Variants in C2orf76 observed in about 807,000 individuals in gnomAD.
C2orf76 encodes chromosome 2 open reading frame 76, also known as UPF0538 protein C2orf76.
In C2orf76, 23 loss-of-function variants were observed where a neutral mutation model predicts 16.9. The observed-to-expected ratio is 1.36, with a 90% CI of 0.98 to 1.93. C2orf76 has a LOEUF of 1.93. C2orf76 is among the 30% of genes most tolerant of loss of function. The pLI is 0.00. For missense variants in C2orf76, 152 were observed against 152.6 expected (o/e 1.00, Z 0.02); for synonymous variants, 48 against 52.3 (o/e 0.92, Z 0.35).
rs757241576 is a variant in C2orf76 at position 119,311,679 on chromosome 2, C to A, written c.247G>T (p.Glu83Ter). The stretch of plus-strand genomic sequence containing the variant: ...TTCAGCAGGAGTCTTTCGTCATCTT[C>A]CAAACTCAACACAAGTTCATTTGTC... ...SKTNELVLSL[E>*]DDERLLLKED... The change falls in exon 5 of 6, where the codon GAA becomes TAA. Residue 83 changes from glutamate (E) to a stop codon, truncating the protein, a stop_gained. Transcript: ENST00000334816. LOFTEE classifies it high-confidence loss of function. 7.4e-6 allele frequency: 12 copies of A among 1,611,702 alleles called. No homozygotes were observed. In the South Asian group the frequency reaches 1.3e-4, roughly 18 times the overall value.
chr2:119,288,196 G>A, the C2orf76 span, among the ~76,000 whole-genome samples: 5 of 140,798 alleles, frequency 3.6e-5, no homozygotes, highest in Admixed American at 7.3e-5. Context: ...TCACTCTGTC[G>A]CCCAGGCTGG....
At chr2:119,317,867 C>T (rs1679224334) in intron 3 of C2orf76, among the ~76,000 whole-genome samples, 1 of 151,460 alleles carries the variant, frequency 6.6e-6, no homozygotes, top group Non-Finnish European at 1.5e-5. Flanking sequence ...AAAAAAAAGT[C>T]TTAAAATAGA....
chr2:119,312,977 G>A (rs963286830), intron 4 of C2orf76, among the ~76,000 whole-genome samples: 2 of 149,576 alleles, frequency 1.3e-5, no homozygotes, highest in African/African-American at 2.5e-5. Flanking sequence ...ACAGTGAGCT[G>A]ATATTGCACT....
chr2:119,296,125 T>G, the C2orf76 span, among the ~76,000 whole-genome samples: 1 of 152,174 alleles, frequency 6.6e-6, no homozygotes, highest in South Asian at 2.1e-4. Flanking sequence ...CCTCTTCCAC[T>G]CCTATAAATG....
In C2orf76 at chr2:119,307,934, C is replaced by T. The variant is rs557766927; in HGVS notation, c.304+3688G>A. On this transcript the variant is annotated intron_variant, in intron 5 of 5. Coordinates refer to ENST00000334816, the MANE Select transcript of C2orf76 (RefSeq NM_001322331.2). ...AAACAAAGCAGTTGTTCCTGAGGGC[C>T]TTTTACACACATCACTCCGGATGCC... Among the ~76,000 whole-genome samples, 40 of 152,280 alleles carry T rather than the reference C, an allele frequency of 2.6e-4. No homozygotes were observed. The South Asian group carries it at 8.3e-3, about 32-fold the overall frequency.
At position 119,317,493 on chromosome 2, in the gene C2orf76, C is replaced by A. The variant is rs748615789; in HGVS notation, c.195G>T (p.Lys65Asn). 32 of 1,604,528 alleles carry A rather than the reference C, an allele frequency of 2.0e-5. No homozygotes were observed. The highest frequency in any genetic ancestry group is 2.6e-5 in the Non-Finnish European group (30 of 1,174,088). The change falls in exon 4 of 6, where the codon AAG becomes AAT. Residue 65 changes from lysine to asparagine, a missense_variant. Transcript: ENST00000334816. ...PFRNYKYDALKIIHQAHKSKT... is the reference protein window; with the variant it reads ...PFRNYKYDALNIIHQAHKSKT... Reference sequence around the variant, plus strand: ...TTGATTTATGTGCTTGATGAATAATCTTTAGTGCATCTGAAAGAAAAAAGC... The same window carrying A: ...TTGATTTATGTGCTTGATGAATAATATTTAGTGCATCTGAAAGAAAAAAGC...
At chr2:119,317,354 C>T (rs752692414) in intron 4 of C2orf76, 112 bp downstream of exon 4, 22 of 699,390 alleles carry the variant, frequency 3.1e-5, no homozygotes, top group Non-Finnish European at 4.5e-5. Flanking sequence ...AAATAAAAAG[C>T]GCTATTATAA....
intron 1 of C2orf76, among the ~76,000 whole-genome samples, chr2:119,343,443 C>T (rs1314190420): frequency 1.3e-5 from 2 of 149,764 alleles, no homozygotes; most frequent in Non-Finnish European, 3.0e-5. Context: ...AAAAAGCCCT[C>T]CCATACACAC....
intron 3 of C2orf76, among the ~76,000 whole-genome samples, chr2:119,319,271 T>C (rs1359198608): frequency 6.6e-6 from 1 of 152,200 alleles, no homozygotes; most frequent in Non-Finnish European, 1.5e-5. Flanking sequence ...AAGAAATGTT[T>C]TGAAGAGAAG....
intron 1 of C2orf76, among the ~76,000 whole-genome samples, chr2:119,346,912 TG>T (rs1680222169): frequency 6.6e-6 from 1 of 152,178 alleles, no homozygotes. Context: ...GTGTTGCCAA[TG>T]GGGGAAAGTG....
At chr2:119,297,508 TTTG>T (rs745866743), downstream of C2orf76, among the ~76,000 whole-genome samples, 4 of 152,092 alleles carry the variant, frequency 2.6e-5, no homozygotes, top group East Asian at 3.9e-4. Context: ...TCTTCAGAAT[TTTG>T]TTGTTGTTGT....
chr2:119,353,523 T>G (rs1680468998), intron 1 of C2orf76, among the ~76,000 whole-genome samples: 1 of 151,224 alleles, frequency 6.6e-6, no homozygotes, highest in Non-Finnish European at 1.5e-5. Flanking sequence ...AGCTGGACAT[T>G]ATAATAAAAA....
the C2orf76 span, among the ~76,000 whole-genome samples, chr2:119,287,594 G>A: frequency 3.3e-5 from 5 of 152,040 alleles, no homozygotes; most frequent in African/African-American, 1.2e-4. Flanking sequence ...ACAACAAAGG[G>A]GAATATGACA....
At chr2:119,359,652 T>C (rs1446107336) in intron 1 of C2orf76, among the ~76,000 whole-genome samples, 3 of 152,278 alleles carry the variant, frequency 2.0e-5, no homozygotes, top group South Asian at 2.1e-4. Context: ...GTGGTGGAAA[T>C]AGCAAGACAA....
chr2:119,311,347 C>G (rs1216179595), intron 5 of C2orf76: 1 of 985,202 alleles, frequency 1.0e-6, no homozygotes, highest in Non-Finnish European at 1.2e-6. Flanking sequence ...ACTTACAACC[C>G]GTCACTTAAA....
chr2:119,364,909 C>CA (rs1680875120), intron 1 of C2orf76, among the ~76,000 whole-genome samples: 1 of 151,586 alleles, frequency 6.6e-6, no homozygotes, highest in African/African-American at 2.4e-5. Context: ...CCCATCTCTA[C>CA]AAAAAATAAA....
chr2:119,363,892 C>T (rs182435754), intron 1 of C2orf76, among the ~76,000 whole-genome samples: 1 of 152,148 alleles, frequency 6.6e-6, no homozygotes, highest in Non-Finnish European at 1.5e-5. Flanking sequence ...GTGGCACACA[C>T]CTGTAGTCCC....
At chr2:119,336,409 A>G (rs78139671) in intron 2 of C2orf76, among the ~76,000 whole-genome samples, 2 of 152,132 alleles carry the variant, frequency 1.3e-5, no homozygotes, top group Non-Finnish European at 2.9e-5. Context: ...AAATAAATTT[A>G]TCATACATCA....
intron 2 of C2orf76, among the ~76,000 whole-genome samples, chr2:119,334,955 C>T (rs1286984502): frequency 6.6e-6 from 1 of 152,034 alleles, no homozygotes; most frequent in African/African-American, 2.4e-5. Flanking sequence ...CACTGCTATA[C>T]CTGTATGCTA....
Sources: allele counts gnomAD v4.1 joint callset (sites outside exome capture counted in the v4.1 genomes callset), GRCh38; gene constraint gnomAD v4.1.1; transcripts MANE v1.5; gene names NCBI Gene and HGNC (gene_info 2026-07-23, HGNC 2026-07-21).